Variants in GRIA1 observed in about 807,000 individuals in gnomAD.
GRIA1 encodes glutamate ionotropic receptor AMPA type subunit 1.
In GRIA1, 31 loss-of-function variants were observed where a neutral mutation model predicts 99.2. The ratio of observed to expected loss-of-function variants is 0.31; its 90% CI spans 0.23 to 0.42. The LOEUF (loss-of-function observed/expected upper bound fraction) is 0.42. Ranked by LOEUF, GRIA1 falls within the 10% of genes least tolerant of loss-of-function variation. The probability of loss-of-function intolerance (pLI) is 1.00; values close to 1 mark genes in which losing one functional copy is unlikely to be tolerated. For synonymous variants in GRIA1, 438 were observed against 432.4 expected, an observed-to-expected ratio of 1.01 and a Z score of -0.16; for missense variants, 782 against 1,157.5, an observed-to-expected ratio of 0.68 and a Z score of 4.71.
chr5:153,773,786 C>T (rs1042395172), intron 13 of GRIA1, among the ~76,000 whole-genome samples: 1 of 152,148 alleles, frequency 6.6e-6, no homozygotes, highest in Admixed American at 6.6e-5. Context: ...GTCATATGCT[C>T]CTGTCTTCCT....
At chr5:153,505,122 A>G (rs931990412) in intron 2 of GRIA1, among the ~76,000 whole-genome samples, 4 of 152,192 alleles carry the variant, frequency 2.6e-5, no homozygotes, top group South Asian at 2.1e-4. Flanking sequence ...TGTCCAAGGC[A>G]AACAGGGCAG....
chr5:153,658,546 A>G (rs1300226948), intron 5 of GRIA1, among the ~76,000 whole-genome samples: 2 of 152,224 alleles, frequency 1.3e-5, no homozygotes, highest in Non-Finnish European at 2.9e-5. Context: ...TAGGCTTCAA[A>G]TTACTAATTA....
At chr5:153,551,699 G>A (rs191003960) in intron 2 of GRIA1, among the ~76,000 whole-genome samples, 29 of 152,248 alleles carry the variant, frequency 1.9e-4, no homozygotes, top group African/African-American at 6.5e-4. Context: ...CTTGTCTCAT[G>A]AAGATTACAG....
rs547258973 is a variant in GRIA1, at chr5:153,531,234, G to A, written c.220+37169G>A. 7.9e-5 allele frequency among the ~76,000 whole-genome samples: 12 copies of A among 152,316 alleles called. 2 individuals are homozygous for A. Among genetic ancestry groups the A allele is most frequent in the African/African-American group, 2.9e-4 (12 of 41,576 alleles). ...AAGGAAGCCCACATGGGGGTTGGGAGGTGGTGAGCCCTAGAGGTAGAGTGC... is the reference window on the plus strand; with the variant it reads ...AAGGAAGCCCACATGGGGGTTGGGAAGTGGTGAGCCCTAGAGGTAGAGTGC... On this transcript the variant is annotated intron_variant, in intron 2 of 15. Transcript: ENST00000285900.
chr5:153,698,288 G>A (rs1758261533), intron 9 of GRIA1, 134 bp downstream of exon 9: 2 of 518,244 alleles, frequency 3.9e-6, no homozygotes, highest in Non-Finnish European at 7.0e-6. Flanking sequence ...AGTCGAAAAG[G>A]GAATGCCCTG....
intron 8 of GRIA1, among the ~76,000 whole-genome samples, chr5:153,695,487 C>T (rs778061393): frequency 3.9e-5 from 6 of 152,158 alleles, no homozygotes; most frequent in East Asian, 1.9e-4. Flanking sequence ...CTTCCATGAG[C>T]GGTGAAAGGC....
At chr5:153,682,748 T>G (rs921383107) in intron 7 of GRIA1, among the ~76,000 whole-genome samples, 14 of 152,204 alleles carry the variant, frequency 9.2e-5, no homozygotes, top group Admixed American at 6.5e-4. Context: ...TCTCCACCTC[T>G]GCAAGACCCA....
intron 5 of GRIA1, among the ~76,000 whole-genome samples, chr5:153,668,922 C>T (rs1191614773): frequency 6.6e-6 from 1 of 152,238 alleles, no homozygotes; most frequent in Non-Finnish European, 1.5e-5. Flanking sequence ...ACACACCATC[C>T]TAAAGCTAAA....
At chr5:153,686,799 G>A (rs1340214578) in intron 8 of GRIA1, among the ~76,000 whole-genome samples, 1 of 152,146 alleles carries the variant, frequency 6.6e-6, no homozygotes, top group Non-Finnish European at 1.5e-5. Context: ...TATGTATAAT[G>A]TATAATATGT....
At chr5:153,623,440 C>A (rs1767263660) in intron 2 of GRIA1, among the ~76,000 whole-genome samples, 1 of 152,050 alleles carries the variant, frequency 6.6e-6, no homozygotes, top group Non-Finnish European at 1.5e-5. Context: ...TATATGTTAG[C>A]AAAGGTAGCA....
intron 2 of GRIA1, among the ~76,000 whole-genome samples, chr5:153,563,959 CAGAA>C (rs1487710676): frequency 6.6e-6 from 1 of 152,180 alleles, no homozygotes; most frequent in Non-Finnish European, 1.5e-5. Context: ...CTTTTACAGA[CAGAA>C]ACTTAGGCTG....
chr5:153,543,870 G>C (rs1476703262), intron 2 of GRIA1, among the ~76,000 whole-genome samples: 1 of 152,106 alleles, frequency 6.6e-6, no homozygotes. Context: ...TGCCCTCAGT[G>C]AGCTTTCAGT....
At chr5:153,788,566 C>G (rs1259696766) in intron 13 of GRIA1, among the ~76,000 whole-genome samples, 1 of 152,218 alleles carries the variant, frequency 6.6e-6, no homozygotes, top group Non-Finnish European at 1.5e-5. Context: ...TCTCTAGTCT[C>G]CGCTTAAATG....
intron 5 of GRIA1, among the ~76,000 whole-genome samples, chr5:153,669,335 G>T (rs1755978893): frequency 6.6e-6 from 1 of 152,060 alleles, no homozygotes; most frequent in African/African-American, 2.4e-5. Context: ...GCATACAAAG[G>T]GGCATTTTTA....
At chr5:153,756,358 A>G (rs759874801) in intron 11 of GRIA1, among the ~76,000 whole-genome samples, 2 of 152,072 alleles carry the variant, frequency 1.3e-5, no homozygotes, top group Non-Finnish European at 2.9e-5. Flanking sequence ...GCTCACCAGC[A>G]TCTGTGCCAC....
At chr5:153,551,698 T>C (rs1760157578) in intron 2 of GRIA1, among the ~76,000 whole-genome samples, 1 of 152,200 alleles carries the variant, frequency 6.6e-6, no homozygotes. Context: ...TCTTGTCTCA[T>C]GAAGATTACA....
chr5:153,655,133 T>TC (rs1754846479), intron 4 of GRIA1, among the ~76,000 whole-genome samples: 1 of 152,190 alleles, frequency 6.6e-6, no homozygotes, highest in Admixed American at 6.5e-5. Flanking sequence ...CAAAGCATTT[T>TC]CCCTCTGTGG....
At chr5:153,743,777 T>C (rs775255761) in intron 11 of GRIA1, among the ~76,000 whole-genome samples, 2 of 152,206 alleles carry the variant, frequency 1.3e-5, no homozygotes, top group Non-Finnish European at 2.9e-5. Context: ...AAAATCCCTT[T>C]TGCAATTGAA....
intron 7 of GRIA1, among the ~76,000 whole-genome samples, chr5:153,678,354 C>G (rs1756740019): frequency 6.6e-6 from 1 of 152,186 alleles, no homozygotes; most frequent in African/African-American, 2.4e-5. Context: ...GAGTGCCTTT[C>G]TGTAGAGAAG....
Sources: gnomAD v4.1 joint callset for allele counts (sites outside exome capture counted in the v4.1 genomes callset) on GRCh38, gnomAD v4.1.1 for gene constraint, MANE v1.5 for transcripts, NCBI Gene and HGNC (gene_info 2026-07-23, HGNC 2026-07-21) for gene names.